The following ADGRB3 variants were observed in gnomAD, a reference collection of about 807,000 sequenced individuals.
The protein encoded by ADGRB3 is brain-specific angiogenesis inhibitor 3.
In ADGRB3, 37 loss-of-function variants were observed where a neutral mutation model predicts 193.4. The observed-to-expected ratio is 0.19, with a 90% CI of 0.15 to 0.25. The LOEUF is 0.25. ADGRB3 is among the 10% of genes least tolerant of loss of function. The pLI, the probability that ADGRB3 is intolerant of heterozygous loss-of-function variation, is 1.00. For synonymous variants in ADGRB3, 690 were observed against 644.2 expected (o/e 1.07, Z -1.08); for missense variants, 1,637 against 1,852.9 (o/e 0.88, Z 2.14).
At chr6:68,746,642 A>AT (rs1157305467) in intron 3 of ADGRB3, among the ~76,000 whole-genome samples, 1 of 150,942 alleles carries the variant, frequency 6.6e-6, no homozygotes, top group Non-Finnish European at 1.5e-5. Context: ...TCCATTTCTA[A>AT]TAGGGCCTTT....
chr6:68,671,741 CTT>C (rs1203293067), intron 3 of ADGRB3, among the ~76,000 whole-genome samples: 2 of 151,830 alleles, frequency 1.3e-5, no homozygotes, highest in African/African-American at 4.8e-5. Context: ...TTTGATGCGT[CTT>C]TGTCTGATTT....
chr6:68,936,784 A>G (rs2150248414), intron 5 of ADGRB3, 104 bp downstream of exon 5: 2 of 1,184,788 alleles, frequency 1.7e-6, no homozygotes, highest in South Asian at 1.6e-5. Flanking sequence ...AGGCATTTTG[A>G]TTAGAGTGGA....
At chr6:68,702,627 CCAAAAAGACAGAGAACT>C (rs1009233130) in intron 3 of ADGRB3, among the ~76,000 whole-genome samples, 6 of 152,026 alleles carry the variant, frequency 3.9e-5, no homozygotes, top group African/African-American at 1.4e-4. Flanking sequence ...GGATTCAAGG[CCAAAAAGACAGAGAACT>C]CAGCACTCTA....
chr6:69,062,655 G>A (rs1389346827), intron 15 of ADGRB3, among the ~76,000 whole-genome samples: 1 of 151,772 alleles, frequency 6.6e-6, no homozygotes, highest in Non-Finnish European at 1.5e-5. Context: ...CATATCTCTT[G>A]TAGGTGAATC....
chr6:69,193,713 A>C (rs1339208658), intron 17 of ADGRB3, among the ~76,000 whole-genome samples: 2 of 151,394 alleles, frequency 1.3e-5, no homozygotes, highest in African/African-American at 2.4e-5. Context: ...TTTGAATCTC[A>C]ATTTTTTTTT....
intron 3 of ADGRB3, among the ~76,000 whole-genome samples, chr6:68,640,454 A>G (rs1339994961): frequency 6.6e-6 from 1 of 152,232 alleles, no homozygotes; most frequent in Admixed American, 6.5e-5. Context: ...TGGAAGGTTA[A>G]TGGATGTTGT....
intron 3 of ADGRB3, among the ~76,000 whole-genome samples, chr6:68,871,885 G>T (rs538997): frequency 2.0e-5 from 3 of 151,822 alleles, no homozygotes; most frequent in African/African-American, 7.3e-5. Context: ...GAACATTTTT[G>T]TGGAATGAAT....
At position 68,723,653 on chromosome 6, in the gene ADGRB3, A is replaced by G. The variant is rs1009309140; in HGVS notation, c.757+84221A>G. 2.6e-5 allele frequency among the ~76,000 whole-genome samples: 4 copies of G among 151,776 alleles called. No homozygotes were observed. The South Asian group carries it at 8.3e-4, about 31-fold the overall frequency. ...ATTGGATATACCTTGGGGCTAAGAC[A>G]TATTTGTAGAATTGCTGAGATAGAA... On this transcript the variant is annotated intron_variant, in intron 3 of 31. Transcript: ENST00000370598.
chr6:69,023,923 T>A (rs1197155303), intron 13 of ADGRB3, among the ~76,000 whole-genome samples: 2 of 152,166 alleles, frequency 1.3e-5, no homozygotes, highest in Non-Finnish European at 2.9e-5. Context: ...TGATATTATG[T>A]TTATTCAACA....
intron 3 of ADGRB3, among the ~76,000 whole-genome samples, chr6:68,692,543 G>A (rs923630551): frequency 6.6e-6 from 1 of 151,540 alleles, no homozygotes; most frequent in Non-Finnish European, 1.5e-5. Context: ...CTTCACCTTG[G>A]TTTAAAACAG....
chr6:69,051,363 T>C (rs1006675865), intron 15 of ADGRB3, among the ~76,000 whole-genome samples: 4 of 152,220 alleles, frequency 2.6e-5, no homozygotes, highest in African/African-American at 9.6e-5. Flanking sequence ...ATATTTTCAT[T>C]GCAGAAAGTT....
intron 20 of ADGRB3, among the ~76,000 whole-genome samples, chr6:69,257,690 C>A (rs1022237402): frequency 1.3e-5 from 2 of 152,162 alleles, no homozygotes; most frequent in African/African-American, 4.8e-5. Context: ...ATTTTGTCTT[C>A]TGATCATCTT....
At chr6:68,781,817 C>T (rs1370018263) in intron 3 of ADGRB3, among the ~76,000 whole-genome samples, 1 of 151,968 alleles carries the variant, frequency 6.6e-6, no homozygotes, top group African/African-American at 2.4e-5. Flanking sequence ...GCCTCCCACT[C>T]ACCCAACCTA....
intron 3 of ADGRB3, among the ~76,000 whole-genome samples, chr6:68,647,045 A>G (rs1376891938): frequency 1.3e-5 from 2 of 152,176 alleles, no homozygotes; most frequent in African/African-American, 4.8e-5. Context: ...ATATGAATGA[A>G]CAAAGCAAAA....
At chr6:68,745,526 A>T (rs1766067015) in intron 3 of ADGRB3, among the ~76,000 whole-genome samples, 1 of 152,122 alleles carries the variant, frequency 6.6e-6, no homozygotes, top group Non-Finnish European at 1.5e-5. Context: ...CAACAATGTG[A>T]ATGTAACATT....
intron 3 of ADGRB3, among the ~76,000 whole-genome samples, chr6:68,740,815 CA>C (rs964967479): frequency 5.4e-4 from 82 of 152,052 alleles, no homozygotes; most frequent in Non-Finnish European, 1.8e-4. Context: ...TAAATTGGGG[CA>C]AAACCGTTTG....
At chr6:69,241,072 C>T (rs1766374649) in intron 20 of ADGRB3, among the ~76,000 whole-genome samples, 1 of 151,910 alleles carries the variant, frequency 6.6e-6, no homozygotes. Flanking sequence ...ACAAAATATG[C>T]TTTTAAAACT....
chr6:68,955,861 T>G (rs1768056752), intron 6 of ADGRB3, among the ~76,000 whole-genome samples, 163 bp from the exon 7 acceptor site: 1 of 152,074 alleles, frequency 6.6e-6, no homozygotes, highest in African/African-American at 2.4e-5. Context: ...GGTAATAATA[T>G]TTGGGGAGTT....
intron 17 of ADGRB3, among the ~76,000 whole-genome samples, chr6:69,107,598 T>C (rs1773250428): frequency 6.6e-6 from 1 of 152,124 alleles, no homozygotes; most frequent in Non-Finnish European, 1.5e-5. Flanking sequence ...TAAAAAGTGG[T>C]AACCAAAGCA....
Sources: gnomAD v4.1 joint callset for allele counts (sites outside exome capture counted in the v4.1 genomes callset) on GRCh38, gnomAD v4.1.1 for gene constraint, MANE v1.5 for transcripts, NCBI Gene and HGNC (gene_info 2026-07-23, HGNC 2026-07-21) for gene names.